Variants in CMTM4 observed in about 807,000 individuals in gnomAD.
CMTM4 encodes CKLF-like MARVEL transmembrane domain-containing protein 4.
In CMTM4, 8 loss-of-function variants were observed where a neutral mutation model predicts 19.0. The ratio of observed to expected loss-of-function variants is 0.42; its 90% CI spans 0.25 to 0.76. The LOEUF (loss-of-function observed/expected upper bound fraction) is 0.76, where lower values mean the gene tolerates loss of function less well. Among genes scored for constraint, CMTM4 ranks in the 30% least tolerant of loss-of-function variants. CMTM4 has a pLI of 0.27. For missense variants in CMTM4, 228 were observed against 290.2 expected, an observed-to-expected ratio of 0.79 and a Z score of 1.56; for synonymous variants, 106 against 121.1, an observed-to-expected ratio of 0.88 and a Z score of 0.82.
chr16:66,667,449 A>C (rs1377316101), intron 1 of CMTM4, among the ~76,000 whole-genome samples: 1 of 152,242 alleles, frequency 6.6e-6, no homozygotes, highest in African/African-American at 2.4e-5. Flanking sequence ...TGTGATATTA[A>C]ATGACTCCAT....
At chr16:66,609,883 G>A, downstream of CMTM4, 1 of 1,614,188 alleles carries the variant, frequency 6.2e-7, no homozygotes, top group Non-Finnish European at 8.5e-7. The surrounding 1 kb of genome is among the most constrained non-coding windows in gnomAD (Gnocchi z 4.4). Context: ...CTGTCCACAG[G>A]TGTTTGGCTT....
At chr16:66,610,044 G>A (rs1382553503), downstream of CMTM4, 4 of 1,606,352 alleles carry the variant, frequency 2.5e-6, no homozygotes, top group Non-Finnish European at 3.4e-6. This position sits in a 1 kb window ranked among gnomAD's most constrained non-coding sequence, Gnocchi z 4.6. Flanking sequence ...GCTGCAACAG[G>A]GGCCTGCCCT....
chr16:66,683,144 T>TAC (rs1567432017), intron 1 of CMTM4, among the ~76,000 whole-genome samples: 66 of 127,376 alleles, frequency 5.2e-4, no homozygotes, highest in African/African-American at 1.8e-3. Flanking sequence ...TATATATATA[T>TAC]ATGTATATAT....
chr16:66,674,504 T>C (rs961433882), intron 1 of CMTM4, among the ~76,000 whole-genome samples: 3 of 152,018 alleles, frequency 2.0e-5, no homozygotes, highest in African/African-American at 7.2e-5. Flanking sequence ...CTACTGCCCA[T>C]CACACAACAT....
Position 66,622,432 on chromosome 16 carries a change from C to CA in CMTM4, c.463-211dup, listed in dbSNP as rs1475138400. Among the ~76,000 whole-genome samples, 2 of 152,166 alleles carry CA rather than the reference C, an allele frequency of 1.3e-5. No individual in the cohort carries two copies. Among genetic ancestry groups the CA allele is most frequent in the Non-Finnish European group, 2.9e-5 (2 of 68,038 alleles). On this transcript the variant is annotated intron_variant, in intron 3 of 3. Transcript: ENST00000394106. This position sits in a 1 kb window ranked among gnomAD's most constrained non-coding sequence, Gnocchi z 4.0. Reference sequence around the variant, plus strand: ...TACATATGACGGGGTGGCTCAGAGTCAAAGGGAAGCCTGTGCCCAGCCCTG... The same window carrying CA: ...TACATATGACGGGGTGGCTCAGAGTCAAAAGGGAAGCCTGTGCCCAGCCCTG...
intron 2 of CMTM4, among the ~76,000 whole-genome samples, 158 bp downstream of exon 2, chr16:66,636,247 C>G (rs1240916284): frequency 6.6e-6 from 1 of 152,130 alleles, no homozygotes; most frequent in Admixed American, 6.5e-5. Context: ...TTTTACTTAA[C>G]CCAGTAAAGA....
intron 2 of CMTM4, among the ~76,000 whole-genome samples, chr16:66,625,691 T>C (rs1169355875): frequency 6.6e-6 from 1 of 152,202 alleles, no homozygotes; most frequent in Non-Finnish European, 1.5e-5. Context: ...CAGCAACTGC[T>C]AACAAGAGCA....
Position 66,618,866 on chromosome 16 carries a change from G to A in CMTM4, c.*3192C>T. On this transcript the variant is annotated 3_prime_UTR_variant, in exon 4 of 4. Transcript: ENST00000394106. ...CTTCCTGCCAGGGGACAGTAACAGG[G>A]CCCGAAGGGCTGGGGGTGCCGCTGG... 2 of 985,538 alleles carry A rather than the reference G, an allele frequency of 2.0e-6. No homozygotes were observed. Among genetic ancestry groups the A allele is most frequent in the Non-Finnish European group, 2.4e-6 (2 of 829,984 alleles). The allele number at this position is 985,538 out of a possible 1,614,324, so 61.0% of individuals were successfully genotyped here.
the CMTM4 span, among the ~76,000 whole-genome samples, chr16:66,606,785 G>C: frequency 6.6e-6 from 1 of 152,176 alleles, no homozygotes; most frequent in Non-Finnish European, 1.5e-5. Context: ...CTGAGGTCAG[G>C]AATTCGAGAC....
At chr16:66,676,282 T>C (rs1461808198) in intron 1 of CMTM4, among the ~76,000 whole-genome samples, 1 of 152,196 alleles carries the variant, frequency 6.6e-6, no homozygotes, top group Non-Finnish European at 1.5e-5. Flanking sequence ...ATATACGGTC[T>C]TTCCTAAACT....
intron 1 of CMTM4, among the ~76,000 whole-genome samples, chr16:66,658,229 G>A (rs993608779): frequency 8.1e-6 from 1 of 123,016 alleles, no homozygotes; most frequent in Non-Finnish European, 1.7e-5. Flanking sequence ...GGGAGGGAGG[G>A]AAGGAGGGAA....
chr16:66,617,193 C>T lies in CMTM4; in HGVS notation c.*4865G>A. ...AGATAGCAAGTCACCTGAATTAAAG[C>T]CTCAGCATAAAAAAACAAACATAGA... On this transcript the variant is annotated 3_prime_UTR_variant, in exon 4 of 4. Coordinates refer to ENST00000394106, the MANE Select transcript of CMTM4 (RefSeq NM_181521.3). 7.3e-7 allele frequency: 1 copy of T among 1,364,798 alleles called. No individual in the cohort carries two copies. Among genetic ancestry groups the T allele is most frequent in the Non-Finnish European group, 1.0e-6 (1 of 977,148 alleles). The allele number at this position is 1,364,798 out of a possible 1,614,324, so 84.5% of individuals were successfully genotyped here.
chr16:66,683,199 A>ATATACGTATATATATATATATG lies in CMTM4; in HGVS notation c.186+13140_186+13141insCATATATATATATATACGTATA, dbSNP rs1567432378. Among the ~76,000 whole-genome samples, 108 of 126,210 alleles carry ATATACGTATATATATATATATG rather than the reference A, an allele frequency of 8.6e-4. 3 individuals are homozygous for ATATACGTATATATATATATATG. In the East Asian group the frequency reaches 0.015, roughly 17 times the overall value. The allele number at this position is 126,210 out of a possible 152,430, so 82.8% of individuals were successfully genotyped here. ...TACATATGTATATATATATACATAT[A>ATATACGTATATATATATATATG]TATATATATATAAATTTTCCCCATG... On this transcript the variant is annotated intron_variant, in intron 1 of 3. Coordinates refer to ENST00000394106, the MANE Select transcript of CMTM4 (RefSeq NM_181521.3).
intron 1 of CMTM4, among the ~76,000 whole-genome samples, chr16:66,679,934 G>T (rs1409664714): frequency 6.6e-6 from 1 of 152,092 alleles, no homozygotes; most frequent in Non-Finnish European, 1.5e-5. Flanking sequence ...GCCTTGGAAG[G>T]TAGACTGCAC....
In CMTM4 at chr16:66,618,445, TA is replaced by T. The variant is rs1596897307; in HGVS notation, c.*3612del. The T allele has an allele frequency of 1.0e-6, 1 of 985,456 alleles. No individual in the cohort carries two copies. Among genetic ancestry groups the T allele is most frequent in the East Asian group, 1.1e-4 (1 of 8,814 alleles). 61.0% of individuals were successfully genotyped at this position (985,456 alleles called of 1,614,324 possible). On this transcript the variant is annotated 3_prime_UTR_variant, in exon 4 of 4. Coordinates refer to ENST00000394106, the MANE Select transcript of CMTM4 (RefSeq NM_181521.3). ...GTGTCTCCATGCTCTATTCATCTCC[TA>T]GGTGCTAAGACCAACCCACAGAAAA... is the stretch of plus-strand genomic sequence containing the variant.
chr16:66,618,862 CAG>C lies in CMTM4; in HGVS notation c.*3194_*3195del. Reference sequence around the variant, plus strand: ...GAGCCTTCCTGCCAGGGGACAGTAACAGGGCCCGAAGGGCTGGGGGTGCCGCT... The same window carrying C: ...GAGCCTTCCTGCCAGGGGACAGTAACGGCCCGAAGGGCTGGGGGTGCCGCT... On this transcript the variant is annotated 3_prime_UTR_variant, in exon 4 of 4. Transcript: ENST00000394106. 1 of 985,530 alleles carries C rather than the reference CAG, an allele frequency of 1.0e-6. No individual in the cohort carries two copies. The highest frequency in any genetic ancestry group is 1.2e-6 in the Non-Finnish European group (1 of 829,978). The allele number at this position is 985,530 out of a possible 1,614,324, so 61.0% of individuals were successfully genotyped here.
At chr16:66,600,136 G>GTGTGGTTTTTTTTTTTTTTT in the CMTM4 span, among the ~76,000 whole-genome samples, 1 of 135,154 alleles carries the variant, frequency 7.4e-6, no homozygotes, top group African/African-American at 2.9e-5. Context: ...GTGTGTGTGT[G>GTGTGGTTTTTTTTTTTTTTT]TTTTTTTTTG....
intron 1 of CMTM4, among the ~76,000 whole-genome samples, chr16:66,657,502 G>C (rs1346364463): frequency 1.3e-5 from 2 of 152,158 alleles, no homozygotes; most frequent in Non-Finnish European, 2.9e-5. Flanking sequence ...ACTCTCAAAA[G>C]ACTTAAAATA....
In CMTM4 at chr16:66,663,201, A is replaced by G. The variant is rs528425433; in HGVS notation, c.187-26620T>C. Among the ~76,000 whole-genome samples, 37 of 152,242 alleles carry G rather than the reference A, an allele frequency of 2.4e-4. 1 individual carries two copies. The South Asian group carries it at 7.7e-3, about 32-fold the overall frequency. On this transcript the variant is annotated intron_variant, in intron 1 of 3. Transcript: ENST00000394106. Reference sequence around the variant, plus strand: ...ACCAGAGTCCCATAACATAATAAACAAATGTCCACGATATAATTCTAAATT... The same window carrying G: ...ACCAGAGTCCCATAACATAATAAACGAATGTCCACGATATAATTCTAAATT...
Sources: gnomAD v4.1 joint callset for allele counts (sites outside exome capture counted in the v4.1 genomes callset) on GRCh38, gnomAD v4.1.1 for gene constraint, Gnocchi (gnomAD v3.1) non-coding constraint, MANE v1.5 for transcripts, NCBI Gene and HGNC (gene_info 2026-07-23, HGNC 2026-07-21) for gene names.